KLHDC4: variants seen among roughly 807,000 people sequenced by gnomAD.
KLHDC4 encodes the protein kelch domain containing 4, also known as kelch domain-containing protein 4.
In KLHDC4, 90 loss-of-function variants were observed where a neutral mutation model predicts 62.4. That is an observed-to-expected ratio of 1.44 (90% CI 1.22 to 1.72). The LOEUF (loss-of-function observed/expected upper bound fraction) is 1.72. KLHDC4 is among the 40% of genes most tolerant of loss of function. The pLI is 0.00. For missense variants in KLHDC4, 1,025 were observed against 699.7 expected (o/e 1.47, Z -5.25); for synonymous variants, 386 against 284.4 (o/e 1.36, Z -3.59).
chr16:87,715,221 C>G (rs2036704573), intron 7 of KLHDC4, among the ~76,000 whole-genome samples: 1 of 151,896 alleles, frequency 6.6e-6, no homozygotes. Flanking sequence ...GGCCCCCATC[C>G]ATTTCCATCT....
intron 6 of KLHDC4, among the ~76,000 whole-genome samples, chr16:87,729,140 T>C (rs1388221381): frequency 1.3e-5 from 2 of 152,174 alleles, no homozygotes; most frequent in African/African-American, 2.4e-5. Context: ...ATTTAAGAAT[T>C]TGGATCCCTT....
chr16:87,722,586 C>G (rs908134260), intron 7 of KLHDC4, among the ~76,000 whole-genome samples: 1 of 152,214 alleles, frequency 6.6e-6, no homozygotes, highest in Non-Finnish European at 1.5e-5. Context: ...GAAGACTGGC[C>G]CTGTGAGACT....
chr16:87,749,127 G>A (rs947970786), intron 4 of KLHDC4, among the ~76,000 whole-genome samples: 5 of 151,638 alleles, frequency 3.3e-5, no homozygotes, highest in East Asian at 1.9e-4. Context: ...CATTAACAAC[G>A]GTGTGGTGCA....
At chr16:87,729,387 G>A (rs1351173348) in intron 6 of KLHDC4, 1 of 152,158 alleles carries the variant, frequency 6.6e-6, no homozygotes, top group East Asian at 1.9e-4. Flanking sequence ...TAGAGAAAGA[G>A]GGCTTCAAAT....
intron 1 of KLHDC4, among the ~76,000 whole-genome samples, chr16:87,763,233 T>C (rs1257132999): frequency 6.6e-6 from 1 of 152,224 alleles, no homozygotes; most frequent in Non-Finnish European, 1.5e-5. Context: ...TGCTTATTAG[T>C]CTCACGCTTT....
chr16:87,725,337 T>C (rs1361914027), intron 7 of KLHDC4, among the ~76,000 whole-genome samples: 14 of 152,160 alleles, frequency 9.2e-5, no homozygotes, highest in Admixed American at 7.9e-4. Flanking sequence ...GGCTAATTTT[T>C]TGTATTTTTA....
chr16:87,713,095 G>C (rs750669421), intron 8 of KLHDC4, among the ~76,000 whole-genome samples: 4 of 152,162 alleles, frequency 2.6e-5, no homozygotes, highest in Non-Finnish European at 5.9e-5. Context: ...GCAGTGGCAC[G>C]ATCTCAGCTG....
At chr16:87,755,756 G>C (rs369054451) in intron 3 of KLHDC4, 491 of 172,160 alleles carry the variant, frequency 2.9e-3, no homozygotes, top group African/African-American at 0.011. Flanking sequence ...GCAGAGACTG[G>C]GTTTCACCAC....
In KLHDC4 at chr16:87,730,578, C is replaced by G. The variant is rs138756136; in HGVS notation, c.573G>C (p.Leu191=). ...GTGTACTTTCATGGAAGCCACCAAA[C>G]AGGATCAATTGTCTCTTCCAGGCCA... ...RMVAWKRQLI[L]FGGFHESTRD... is the part of the protein sequence containing the mutation. Residue 191 remains leucine (L), a synonymous_variant, in exon 6 of 12, where the codon CTG becomes CTC. Coordinates refer to ENST00000270583, the MANE Select transcript of KLHDC4 (RefSeq NM_017566.4). The G allele has an allele frequency of 1.2e-6, 2 of 1,613,036 alleles. No homozygotes were observed. Among genetic ancestry groups the G allele is most frequent in the East Asian group, 2.2e-5 (1 of 44,856 alleles).
rs768422489 is a variant in KLHDC4, at chr16:87,711,298, C to G, written c.981G>C (p.Glu327Asp). 1.4e-5 allele frequency: 23 copies of G among 1,614,022 alleles called. No homozygotes were observed. Among genetic ancestry groups the G allele is most frequent in the African/African-American group, 4.0e-5 (3 of 74,942 alleles). The change falls in exon 9 of 12, where the codon GAG (glutamate) becomes GAC (aspartate). Residue 327 changes from glutamate (E) to aspartate (D), a missense_variant. Glu to Asp is a conservative substitution (Grantham distance 45). Coordinates refer to ENST00000270583, the MANE Select transcript of KLHDC4 (RefSeq NM_017566.4). ...DEEEEESLSG[E>D]FFNDLYFYDA... ...CGTAGAAGTACAGATCGTTGAAGAA[C>G]TCGCCCGACAGGCTCTCCTCCTCTT...
chr16:87,709,450 T>G lies in KLHDC4; in HGVS notation c.1262A>C (p.Glu421Ala). Residue 421 changes from glutamate (E) to alanine (A), a missense_variant, in exon 10 of 12, where the codon GAG becomes GCG. Coordinates refer to ENST00000270583, the MANE Select transcript of KLHDC4 (RefSeq NM_017566.4). ...PRSEDEDSLE[E>A]AGSPAPGPCP... ...CGGCCCAGGTGCGGGGCTGCCGGCC[T>G]CCTCAAGGCTGTCTTCGTCCTCAGA... The G allele has an allele frequency of 6.2e-7, 1 of 1,612,234 alleles. No individual in the cohort carries two copies. Among genetic ancestry groups the G allele is most frequent in the Non-Finnish European group, 8.5e-7 (1 of 1,179,880 alleles).
rs905210173 is a variant in KLHDC4 at position 87,752,230 on chromosome 16, G to A, written c.369+2964C>T. On this transcript the variant is annotated intron_variant, in intron 4 of 11. Coordinates refer to ENST00000270583, the MANE Select transcript of KLHDC4 (RefSeq NM_017566.4). ...AACACTTGCCTGGGCAATATAGCGA[G>A]ACCCGTTCTCCACAAAAAAGAAAAA... 5.3e-4 allele frequency among the ~76,000 whole-genome samples: 78 copies of A among 146,820 alleles called. 2 individuals are homozygous for A. The highest frequency in any genetic ancestry group is 4.6e-3 in the Admixed American group (67 of 14,578).
exon 1 of KLHDC4, chr16:87,699,513 G>C (rs1178654588): frequency 6.6e-6 from 1 of 152,124 alleles, no homozygotes; most frequent in Admixed American, 6.6e-5. Context: ...GACCAACATA[G>C]TGAAACCCCA....
At chr16:87,720,802 G>A (rs1404548080) in intron 7 of KLHDC4, among the ~76,000 whole-genome samples, 1 of 152,240 alleles carries the variant, frequency 6.6e-6, no homozygotes, top group Non-Finnish European at 1.5e-5. Flanking sequence ...TGCTCCAGAA[G>A]CCCATGCATG....
At chr16:87,702,253 C>T (rs2034177912) in exon 1 of KLHDC4, 2 of 456,230 alleles carry the variant, frequency 4.4e-6, no homozygotes, top group Non-Finnish European at 4.4e-6. Context: ...CTCTGCCAGG[C>T]GCCGAGTCCA....
In KLHDC4 at chr16:87,714,483, G is replaced by C; in HGVS notation, c.835+15C>G. The C allele has an allele frequency of 6.2e-7, 1 of 1,613,980 alleles. No individual in the cohort carries two copies. Among genetic ancestry groups the C allele is most frequent in the African/African-American group, 1.3e-5 (1 of 75,058 alleles). Reference sequence around the variant, plus strand: ...AGACCAGCCAGCTCCCGCCCTGGAGGCACAGCACCTCTACCTTCTCTTCCG... The same window carrying C: ...AGACCAGCCAGCTCCCGCCCTGGAGCCACAGCACCTCTACCTTCTCTTCCG... On this transcript the variant is annotated intron_variant, in intron 8 of 11. Transcript: ENST00000270583.
chr16:87,758,078 A>C (rs916856411), intron 2 of KLHDC4, among the ~76,000 whole-genome samples: 24 of 152,210 alleles, frequency 1.6e-4, no homozygotes, highest in African/African-American at 5.8e-4. Context: ...ACAGGTTTCA[A>C]GGTCAAGTGA....
At chr16:87,750,156 T>C (rs774337405) in intron 4 of KLHDC4, 1 of 152,122 alleles carries the variant, frequency 6.6e-6, no homozygotes, top group South Asian at 2.1e-4. Flanking sequence ...CATCCATCTG[T>C]GGAAAGAGCT....
intron 5 of KLHDC4, among the ~76,000 whole-genome samples, chr16:87,745,222 G>A (rs2042864525): frequency 6.6e-6 from 1 of 152,214 alleles, no homozygotes; most frequent in Admixed American, 6.5e-5. Flanking sequence ...GCCCAGCACT[G>A]CTCTCACAAC....
Sources: allele counts gnomAD v4.1 joint callset (sites outside exome capture counted in the v4.1 genomes callset), GRCh38; gene constraint gnomAD v4.1.1; transcripts MANE v1.5; gene names NCBI Gene and HGNC (gene_info 2026-07-23, HGNC 2026-07-21).